Variants in CFAP20DC observed in about 807,000 individuals in gnomAD.
The protein encoded by CFAP20DC is CFAP20 domain containing.
CFAP20DC carries 84 observed loss-of-function variants against 101.7 expected under a neutral mutation model. The observed-to-expected ratio is 0.83, with a 90% CI of 0.69 to 0.99. CFAP20DC has a LOEUF of 0.99. Among genes scored for constraint, CFAP20DC ranks in the 50% least tolerant of loss-of-function variants. The pLI, the probability that CFAP20DC is intolerant of heterozygous loss-of-function variation, is 0.00. For synonymous variants in CFAP20DC, 359 were observed against 351.2 expected (o/e 1.02, Z -0.25); for missense variants, 1,007 against 970.3 (o/e 1.04, Z -0.50).
intron 3 of CFAP20DC, among the ~76,000 whole-genome samples, chr3:58,735,698 T>C (rs1389840316): frequency 6.6e-6 from 1 of 152,104 alleles, no homozygotes. Flanking sequence ...CAGCAGCATA[T>C]CTTAGAGTCC....
At chr3:58,814,011 C>T (rs1230038532) in intron 14 of CFAP20DC, among the ~76,000 whole-genome samples, 1 of 151,882 alleles carries the variant, frequency 6.6e-6, no homozygotes, top group African/African-American at 2.4e-5. Flanking sequence ...GTTCTCTGGA[C>T]AAACTCACAC....
intron 6 of CFAP20DC, among the ~76,000 whole-genome samples, chr3:58,901,795 A>G (rs182912698): frequency 6.6e-6 from 1 of 152,338 alleles, no homozygotes; most frequent in African/African-American, 2.4e-5. Context: ...TGACCATTTC[A>G]AAGTGAACTA....
chr3:58,866,560 G>A lies in CFAP20DC; in HGVS notation c.1258+6C>T, dbSNP rs1357539980. 5 of 1,599,168 alleles carry A rather than the reference G, an allele frequency of 3.1e-6. No homozygotes were observed. The South Asian group carries it at 4.5e-5, about 15-fold the overall frequency. On this transcript the variant is annotated splice_donor_region_variant and intron_variant, in intron 11 of 16. Transcript: ENST00000482387. Reference sequence around the variant, plus strand: ...TTAACAGATATGGTGTAATAAAGATGCCAACCTGATTGATCAGGAGACTGG... The same window carrying A: ...TTAACAGATATGGTGTAATAAAGATACCAACCTGATTGATCAGGAGACTGG...
intron 4 of CFAP20DC, among the ~76,000 whole-genome samples, chr3:58,945,598 T>C (rs1374631780): frequency 3.3e-5 from 5 of 152,154 alleles, no homozygotes; most frequent in Non-Finnish European, 5.9e-5. Context: ...ATCCTCTCAG[T>C]TATTAGCGAG....
chr3:58,831,718 C>T lies in CFAP20DC; in HGVS notation c.2143G>A (p.Asp715Asn), dbSNP rs557149953. 16 of 1,613,942 alleles carry T rather than the reference C, an allele frequency of 9.9e-6. No individual in the cohort carries two copies. Among genetic ancestry groups the T allele is most frequent in the South Asian group, 5.5e-5 (5 of 91,062 alleles). The change falls in exon 14 of 17, where the codon GAC (aspartate) becomes AAC (asparagine). Residue 715 changes from aspartate (D) to asparagine (N), a missense_variant. Asp to Asn is a conservative substitution (Grantham distance 23, BLOSUM62 1). Coordinates refer to ENST00000482387, the MANE Select transcript of CFAP20DC (RefSeq NM_001394063.1). Reference sequence around the variant, plus strand: ...AGGCAGGAGTTCCAGGTGGTTGTGTCGTCACTGCTGGTACTTATGCTGACA... The same window carrying T: ...AGGCAGGAGTTCCAGGTGGTTGTGTTGTCACTGCTGGTACTTATGCTGACA... ...CNVSISTSSD[D>N]TTTWNSCLPP...
chr3:58,867,854 T>C lies in CFAP20DC; in HGVS notation c.1098A>G (p.Leu366=). The C allele has an allele frequency of 6.2e-7, 1 of 1,613,726 alleles. No individual in the cohort carries two copies. The highest frequency in any genetic ancestry group is 8.5e-7 in the Non-Finnish European group (1 of 1,179,690). ...CTGTCCTTTCTCTGCTGGTACTTTTTAACCGTAATCTTCTTCTGTTATTAT... is the reference window on the plus strand; with the variant it reads ...CTGTCCTTTCTCTGCTGGTACTTTTCAACCGTAATCTTCTTCTGTTATTAT... ...DKNNNRRRLR[L]KSTSRERTET... The change falls in exon 10 of 17, where the codon TTA becomes TTG. Residue 366 remains leucine, a synonymous_variant. Coordinates refer to ENST00000482387, the MANE Select transcript of CFAP20DC (RefSeq NM_001394063.1).
chr3:58,801,047 AAGTGAGAGAGAG>A (rs2073655863), intron 15 of CFAP20DC, among the ~76,000 whole-genome samples: 1 of 120,556 alleles, frequency 8.3e-6, no homozygotes, highest in Non-Finnish European at 1.6e-5. Flanking sequence ...GGTGGGGAGT[AAGTGAGAGAGAG>A]AGAGAGAGAG....
Position 58,717,367 on chromosome 3 carries a change from T to G in CFAP20DC, c.*221A>C. ...GCAGGGGAATGCTGAATCTCAGGGC[T>G]TTGTGAAAATGAAAATGTAATCTCT... On this transcript the variant is annotated 3_prime_UTR_variant, in exon 4 of 4. Coordinates refer to the CFAP20DC transcript ENST00000486145. The surrounding 1 kb of genome is among the most constrained non-coding windows in gnomAD (Gnocchi z 4.1). The G allele has an allele frequency of 4.2e-6, 1 of 237,440 alleles. No individual in the cohort carries two copies. Among genetic ancestry groups the G allele is most frequent in the Non-Finnish European group, 8.5e-6 (1 of 117,480 alleles). 14.7% of individuals were successfully genotyped at this position (237,440 alleles called of 1,614,324 possible).
chr3:58,828,634 C>G (rs1306668639), intron 14 of CFAP20DC, among the ~76,000 whole-genome samples: 2 of 151,850 alleles, frequency 1.3e-5, no homozygotes, highest in Non-Finnish European at 2.9e-5. Context: ...ACAATAGAAA[C>G]TGGGGACTGC....
chr3:58,939,447 T>A (rs908503579), intron 4 of CFAP20DC, among the ~76,000 whole-genome samples: 5 of 152,168 alleles, frequency 3.3e-5, no homozygotes, highest in South Asian at 2.1e-4. Context: ...CTACATTTTT[T>A]AAAATTTTAT....
intron 15 of CFAP20DC, among the ~76,000 whole-genome samples, chr3:58,759,965 G>A (rs948572550): frequency 5.9e-5 from 9 of 152,176 alleles, no homozygotes; most frequent in Non-Finnish European, 1.0e-4. Context: ...AAGTCAGGTA[G>A]CATGATGCCT....
intron 5 of CFAP20DC, among the ~76,000 whole-genome samples, chr3:58,930,807 G>A (rs2086540911): frequency 6.8e-6 from 1 of 146,872 alleles, no homozygotes; most frequent in African/African-American, 2.7e-5. Flanking sequence ...GGCCGAATAG[G>A]AACAGCTCCG....
At chr3:59,045,938 T>C (rs566427924) in intron 3 of CFAP20DC, among the ~76,000 whole-genome samples, 1 of 152,244 alleles carries the variant, frequency 6.6e-6, no homozygotes, top group East Asian at 1.9e-4. Context: ...TGGCACATAG[T>C]AAGTGCTCAA....
intron 14 of CFAP20DC, 108 bp from the exon 15 acceptor site, chr3:58,806,564 A>T: frequency 9.9e-6 from 8 of 810,014 alleles, no homozygotes; most frequent in East Asian, 7.9e-5. Context: ...ACAACCCACA[A>T]GAAGGGTATG....
intron 3 of CFAP20DC, among the ~76,000 whole-genome samples, chr3:59,043,192 G>T (rs59037916): frequency 0.012 from 1,822 of 152,180 alleles, 52 homozygotes; most frequent in African/African-American, 0.042. Context: ...ATAACCAAGG[G>T]AGTAAGTGTA....
At chr3:58,856,041 C>G (rs1287490890) in intron 12 of CFAP20DC, among the ~76,000 whole-genome samples, 1 of 149,566 alleles carries the variant, frequency 6.7e-6, no homozygotes, top group Non-Finnish European at 1.5e-5. Flanking sequence ...AAAAAAACTT[C>G]AAAATAAAGT....
chr3:58,771,946 GTAAAAAT>G (rs1415998323), intron 15 of CFAP20DC, among the ~76,000 whole-genome samples: 10 of 152,180 alleles, frequency 6.6e-5, no homozygotes, highest in Admixed American at 2.0e-4. Context: ...CCATGCACAT[GTAAAAAT>G]TAAAATATTA....
chr3:58,798,120 A>T (rs9682799), intron 15 of CFAP20DC, among the ~76,000 whole-genome samples: 14,162 of 151,702 alleles, frequency 0.093, 1,121 homozygotes, highest in East Asian at 0.35. Context: ...GGAGTAATTT[A>T]AGCTTTCAAG....
At chr3:58,994,380 T>C (rs910253177) in intron 4 of CFAP20DC, among the ~76,000 whole-genome samples, 6 of 152,154 alleles carry the variant, frequency 3.9e-5, no homozygotes, top group African/African-American at 1.4e-4. Flanking sequence ...GGGCATTACT[T>C]GATCTTCTAT....
Sources: allele counts gnomAD v4.1 joint callset (sites outside exome capture counted in the v4.1 genomes callset), GRCh38; gene constraint gnomAD v4.1.1; non-coding constraint Gnocchi (gnomAD v3.1); transcripts MANE v1.5; gene names NCBI Gene and HGNC (gene_info 2026-07-23, HGNC 2026-07-21).